The following ATRNL1 variants were observed in gnomAD, a reference collection of about 807,000 sequenced individuals.
ATRNL1 encodes the protein attractin like 1.
A neutral mutation model predicts 182.7 loss-of-function variants in ATRNL1; 95 were observed. The ratio of observed to expected loss-of-function variants is 0.52; its 90% CI spans 0.44 to 0.62. The LOEUF (loss-of-function observed/expected upper bound fraction) is 0.62, where lower values mean the gene tolerates loss of function less well. Ranked by LOEUF, ATRNL1 falls within the 20% of genes least tolerant of loss-of-function variation. The pLI is 0.00. For synonymous variants in ATRNL1, 576 were observed against 568.3 expected, an observed-to-expected ratio of 1.01 and a Z score of -0.19; for missense variants, 1,471 against 1,679.5, an observed-to-expected ratio of 0.88 and a Z score of 2.17.
intron 19 of ATRNL1, among the ~76,000 whole-genome samples, chr10:115,367,842 G>T (rs1429384942): frequency 6.8e-6 from 1 of 147,602 alleles, no homozygotes; most frequent in East Asian, 2.0e-4. Flanking sequence ...GGGGGTCAGG[G>T]GTCAGGGACC....
intron 25 of ATRNL1, among the ~76,000 whole-genome samples, chr10:115,531,009 T>C (rs1222985064): frequency 3.9e-5 from 6 of 152,166 alleles, no homozygotes; most frequent in South Asian, 2.1e-4. Context: ...TGCCACATTT[T>C]CTTAATCCAG....
intron 27 of ATRNL1, among the ~76,000 whole-genome samples, chr10:115,753,683 A>G (rs1399554099): frequency 6.6e-6 from 1 of 152,170 alleles, no homozygotes; most frequent in Non-Finnish European, 1.5e-5. Flanking sequence ...TCCTTTGGGT[A>G]CATACCCAGT....
chr10:115,586,494 T>C (rs1407060384), intron 26 of ATRNL1, among the ~76,000 whole-genome samples: 1 of 95,794 alleles, frequency 1.0e-5, no homozygotes, highest in Non-Finnish European at 2.4e-5. Context: ...CTCACTTCAT[T>C]TCATTCATTT....
intron 28 of ATRNL1, among the ~76,000 whole-genome samples, chr10:115,916,333 A>G (rs1398018181): frequency 6.6e-6 from 1 of 152,198 alleles, no homozygotes; most frequent in Non-Finnish European, 1.5e-5. Flanking sequence ...AATTCCTACA[A>G]TGCCTATTGG....
At chr10:115,821,352 T>A (rs1475255986) in intron 27 of ATRNL1, among the ~76,000 whole-genome samples, 1 of 152,168 alleles carries the variant, frequency 6.6e-6, no homozygotes, top group African/African-American at 2.4e-5. Context: ...TTCTTCATAC[T>A]GTCAATGGTC....
intron 19 of ATRNL1, among the ~76,000 whole-genome samples, chr10:115,388,756 G>T (rs1345358909): frequency 2.6e-5 from 4 of 151,568 alleles, no homozygotes; most frequent in African/African-American, 9.7e-5. Flanking sequence ...CATTCATGGA[G>T]ATTTGTAATT....
rs1347103267 is a variant in ATRNL1, at chr10:115,898,013, G to A, written c.4019-46645G>A. Among the ~76,000 whole-genome samples, 9 of 151,620 alleles carry A rather than the reference G, an allele frequency of 5.9e-5. No individual in the cohort carries two copies. The South Asian group carries it at 6.3e-4, about 11-fold the overall frequency. ...TGGTCTCAGCTCACTGCAACCTCCC[G>A]TCTTCCCGGGTTCAAGCAATTCTCC... On this transcript the variant is annotated intron_variant, in intron 28 of 28. Transcript: ENST00000355044.
At chr10:115,287,337 A>G (rs1852666298) in intron 15 of ATRNL1, among the ~76,000 whole-genome samples, 1 of 152,052 alleles carries the variant, frequency 6.6e-6, no homozygotes, top group Non-Finnish European at 1.5e-5. Context: ...TATTTTTGAG[A>G]GTTAACTTTG....
intron 27 of ATRNL1, among the ~76,000 whole-genome samples, chr10:115,845,562 AAGAT>A (rs1950908902): frequency 1.3e-5 from 2 of 152,216 alleles, no homozygotes; most frequent in East Asian, 1.9e-4. Context: ...AAGTGGCAGA[AAGAT>A]AGCCTGGCAA....
At chr10:115,128,980 T>C (rs1482275467) in intron 4 of ATRNL1, among the ~76,000 whole-genome samples, 4 of 152,210 alleles carry the variant, frequency 2.6e-5, no homozygotes, top group Admixed American at 6.5e-5. Context: ...GAATTTAATT[T>C]TTTTCTGTAA....
intron 26 of ATRNL1, among the ~76,000 whole-genome samples, chr10:115,587,561 G>A (rs187171780): frequency 6.8e-6 from 1 of 146,150 alleles, no homozygotes; most frequent in Non-Finnish European, 1.5e-5. Flanking sequence ...ACTAGGAAAG[G>A]GAACTCCCTG....
chr10:115,865,989 A>G (rs1300688965), intron 28 of ATRNL1, among the ~76,000 whole-genome samples: 4 of 152,092 alleles, frequency 2.6e-5, no homozygotes, highest in African/African-American at 7.2e-5. Flanking sequence ...TTTTTCTCTA[A>G]TTCTGCCTAT....
chr10:115,310,995 G>A (rs76874887), intron 17 of ATRNL1, among the ~76,000 whole-genome samples: 1,786 of 152,140 alleles, frequency 0.012, 34 homozygotes, highest in African/African-American at 0.04. Context: ...TCAAGGTTTA[G>A]ATAACTTATG....
chr10:115,373,920 T>C (rs1857524475), intron 19 of ATRNL1, among the ~76,000 whole-genome samples: 1 of 151,978 alleles, frequency 6.6e-6, no homozygotes, highest in African/African-American at 2.4e-5. Flanking sequence ...TTAATGTTTT[T>C]GGAAAAGTTT....
At chr10:115,604,082 T>C in intron 26 of ATRNL1, among the ~76,000 whole-genome samples, 1 of 152,182 alleles carries the variant, frequency 6.6e-6, no homozygotes, top group East Asian at 1.9e-4. Context: ...TTTTACTGAC[T>C]TATTTTTCTC....
intron 26 of ATRNL1, among the ~76,000 whole-genome samples, chr10:115,694,941 GC>G (rs1946509745): frequency 1.4e-5 from 2 of 144,858 alleles, no homozygotes; most frequent in African/African-American, 5.1e-5. Context: ...ATGCACACAC[GC>G]ACACACACAC....
rs555441944 is a variant in ATRNL1, at chr10:115,811,045, G to A, written c.3904-36832G>A. Among the ~76,000 whole-genome samples, 9 of 151,192 alleles carry A rather than the reference G, an allele frequency of 6.0e-5. No individual in the cohort carries two copies. In the South Asian group the frequency reaches 1.0e-3, roughly 18 times the overall value. On this transcript the variant is annotated intron_variant, in intron 27 of 28. Transcript: ENST00000355044. ...TCTCTTTAGGTTTAATTTACTATTC[G>A]TTAGTGTCCTAGGAGGGAAGCTTGG...
chr10:115,661,934 C>T, intron 26 of ATRNL1, among the ~76,000 whole-genome samples: 1 of 140,086 alleles, frequency 7.1e-6, no homozygotes, highest in Non-Finnish European at 1.5e-5. Flanking sequence ...CCCCCTCCTC[C>T]CACCCCACAA....
chr10:115,524,600 G>A (rs1464364174), intron 25 of ATRNL1, among the ~76,000 whole-genome samples: 2 of 152,160 alleles, frequency 1.3e-5, no homozygotes, highest in African/African-American at 2.4e-5. Flanking sequence ...AACTTGTCCA[G>A]TTGGGAGTAG....
Sources: gnomAD v4.1 joint callset for allele counts (sites outside exome capture counted in the v4.1 genomes callset) on GRCh38, gnomAD v4.1.1 for gene constraint, MANE v1.5 for transcripts, NCBI Gene and HGNC (gene_info 2026-07-23, HGNC 2026-07-21) for gene names.